Variants in C1QTNF8 observed in about 807,000 individuals in gnomAD.
C1QTNF8 encodes C1q and TNF related 8, also known as complement C1q tumor necrosis factor-related protein 8.
Under a neutral mutation model 19.2 loss-of-function variants are expected in C1QTNF8, and 27 were observed. The observed-to-expected ratio is 1.41, with a 90% CI of 1.04 to 1.94. The LOEUF is 1.94. Among genes scored for constraint, C1QTNF8 ranks in the 30% most tolerant of loss-of-function variants. C1QTNF8 has a pLI of 0.00. For missense variants in C1QTNF8, 484 were observed against 374.4 expected (o/e 1.29, Z -2.42); for synonymous variants, 208 against 172.8 (o/e 1.20, Z -1.60).
At chr16:1,094,556 G>C (rs1847929720) in intron 3 of C1QTNF8, 159 bp downstream of exon 3, 2 of 518,092 alleles carry the variant, frequency 3.9e-6, no homozygotes, top group Non-Finnish European at 6.5e-6. Flanking sequence ...TGCTTGCGGG[G>C]GGAGCCCAGG....
chr16:1,093,921 T>TCGGCACG lies in C1QTNF8; in HGVS notation c.332_338dup (p.Arg114ValfsTer263). 2 of 1,521,500 alleles carry TCGGCACG rather than the reference T, an allele frequency of 1.3e-6. No homozygotes were observed. The highest frequency in any genetic ancestry group is 8.7e-7 in the Non-Finnish European group (1 of 1,146,154). 94.2% of individuals were successfully genotyped at this position (1,521,500 alleles called of 1,614,324 possible). ...CCACGGAGAAGGCGGCGTAGGCACGTCGGCACGCGGCGCCCGGCGGCCCCA... is the reference window on the plus strand; with the variant it reads ...CCACGGAGAAGGCGGCGTAGGCACGTCGGCACGCGGCACGCGGCGCCCGGCGGCCCCA... On this transcript the variant is annotated frameshift_variant, in exon 4 of 5. Coordinates refer to ENST00000328449, the MANE Select transcript of C1QTNF8 (RefSeq NM_207419.3). LOFTEE classifies it high-confidence loss of function.
chr16:1,088,635 C>T lies in C1QTNF8; in HGVS notation c.*1964G>A, dbSNP rs1427850789. On this transcript the variant is annotated 3_prime_UTR_variant, in exon 5 of 5. Coordinates refer to ENST00000328449, the MANE Select transcript of C1QTNF8 (RefSeq NM_207419.3). ...AGTCATTGTTTTTTAAACAAATAAA[C>T]CTGGAAGGTTGGCGGGATGCAGGTC... Among the ~76,000 whole-genome samples, 1 of 152,168 alleles carries T rather than the reference C, an allele frequency of 6.6e-6. No homozygotes were observed. Among genetic ancestry groups the T allele is most frequent in the African/African-American group, 2.4e-5 (1 of 41,432 alleles).
chr16:1,089,734 G>A lies in C1QTNF8; in HGVS notation c.*865C>T, dbSNP rs197058. On this transcript the variant is annotated 3_prime_UTR_variant, in exon 5 of 5. Transcript: ENST00000328449. ...GGCTTCTCTCCTGGCACCTCTTAGC[G>A]CCACCGGCCGTCAGCACACGGGGTA... is the stretch of plus-strand genomic sequence containing the variant. Among the ~76,000 whole-genome samples the A allele has an allele frequency of 0.097, 14,763 of 152,262 alleles. 994 individuals carry two copies. Among genetic ancestry groups the A allele is most frequent in the Non-Finnish European group, 0.13 (8,685 of 67,986 alleles).
rs200671491 is a variant in C1QTNF8 at position 1,093,784 on chromosome 16, G to A, written c.476C>T (p.Thr159Met). 1.9e-6 allele frequency: 3 copies of A among 1,612,026 alleles called. No individual in the cohort carries two copies. The highest frequency in any genetic ancestry group is 1.1e-5 in the South Asian group (1 of 91,088). ...GCTGAGGAAGTAGACGCCGGGCACCGTGCAGAGGAAGCGGCCCGCGGCCAG... is the reference window on the plus strand; with the variant it reads ...GCTGAGGAAGTAGACGCCGGGCACCATGCAGAGGAAGCGGCCCGCGGCCAG... ...FDLAAGRFLC[T>M]VPGVYFLSLN... is the part of the protein sequence containing the mutation. The change falls in exon 4 of 5, where the codon ACG becomes ATG. Residue 159 changes from threonine to methionine, a missense_variant. By Grantham distance (81) the Thr-to-Met change is moderately conservative. Transcript: ENST00000328449.
rs1047914652 is a variant in C1QTNF8, at chr16:1,089,506, G to A, written c.*1093C>T. On this transcript the variant is annotated 3_prime_UTR_variant, in exon 5 of 5. Transcript: ENST00000328449. ...TGGGGTCCCCGACAGAGGCCTTTGC[G>A]CACCCCCTGCTGCACGGGAAGCTGA... Among the ~76,000 whole-genome samples, 2 of 152,276 alleles carry A rather than the reference G, an allele frequency of 1.3e-5. No homozygotes were observed. Among genetic ancestry groups the A allele is most frequent in the South Asian group, 2.1e-4 (1 of 4,818 alleles).
rs1395626303 is a variant in C1QTNF8 at position 1,089,508 on chromosome 16, A to AC, written c.*1090dup. The stretch of plus-strand genomic sequence containing the variant: ...GGGTCCCCGACAGAGGCCTTTGCGC[A>AC]CCCCCTGCTGCACGGGAAGCTGAGG... On this transcript the variant is annotated 3_prime_UTR_variant, in exon 5 of 5. Transcript: ENST00000328449. Among the ~76,000 whole-genome samples the AC allele has an allele frequency of 6.6e-6, 1 of 151,798 alleles. No individual in the cohort carries two copies. The highest frequency in any genetic ancestry group is 2.4e-5 in the African/African-American group (1 of 41,330).
Position 1,093,964 on chromosome 16 carries a change from C to A in C1QTNF8, c.296G>T (p.Arg99Ile). The change falls in exon 4 of 5, where the codon AGA becomes ATA. Residue 99 changes from arginine (R) to isoleucine (I), a missense_variant. By Grantham distance (97) the Arg-to-Ile change is moderately conservative. Coordinates refer to ENST00000328449, the MANE Select transcript of C1QTNF8 (RefSeq NM_207419.3). ...PPGARGLQGR[R>I]GQKGQVGPPG... is the part of the protein sequence containing the mutation. Reference sequence around the variant, plus strand: ...CGGCCCCACCTGCCCCTTCTGGCCTCTGCGGCCCTGCAGGCCCCGGGCGCC... The same window carrying A: ...CGGCCCCACCTGCCCCTTCTGGCCTATGCGGCCCTGCAGGCCCCGGGCGCC... 1 of 1,482,440 alleles carries A rather than the reference C, an allele frequency of 6.7e-7. No individual in the cohort carries two copies. Among genetic ancestry groups the A allele is most frequent in the Non-Finnish European group, 8.8e-7 (1 of 1,130,912 alleles). 91.8% of individuals were successfully genotyped at this position (1,482,440 alleles called of 1,614,324 possible).
rs375547605 is a variant in C1QTNF8, at chr16:1,093,664, C to T, written c.596G>A (p.Arg199His). ...AAVLYAQPSERSVMQAQSLML... is the reference protein window; with the variant it reads ...AAVLYAQPSEHSVMQAQSLML... Reference sequence around the variant, plus strand: ...CAGGCTCTGGGCCTGCATGACGCTGCGCTCGCTGGGCTGCGCGTAGAGCAC... The same window carrying T: ...CAGGCTCTGGGCCTGCATGACGCTGTGCTCGCTGGGCTGCGCGTAGAGCAC... The change falls in exon 4 of 5, where the codon CGC becomes CAC. Residue 199 changes from arginine to histidine, a missense_variant. Arg to His is a conservative substitution (Grantham distance 29, BLOSUM62 0). Coordinates refer to ENST00000328449, the MANE Select transcript of C1QTNF8 (RefSeq NM_207419.3). 21 of 1,609,590 alleles carry T rather than the reference C, an allele frequency of 1.3e-5. No homozygotes were observed. The South Asian group carries it at 1.8e-4, about 13-fold the overall frequency.
intron 4 of C1QTNF8, among the ~76,000 whole-genome samples, chr16:1,092,607 A>AATCCCTGCACACAGTCGGCGCTCAACC (rs1960574037): frequency 1.6e-4 from 3 of 18,918 alleles, no homozygotes; most frequent in Admixed American, 4.9e-4. Context: ...GGCGCTCAAC[A>AATCCCTGCACACAGTCGGCGCTCAACC]AATCACTGCA....
In C1QTNF8 at chr16:1,088,288, T is replaced by G. The variant is rs1216243454; in HGVS notation, c.*2311A>C. ...ACGGATAAAGTTACATGGGATAAGC[T>G]GCCTCCCCAGCCCGATGCTTGCCTG... On this transcript the variant is annotated 3_prime_UTR_variant, in exon 5 of 5. Transcript: ENST00000328449. 6.6e-6 allele frequency among the ~76,000 whole-genome samples: 1 copy of G among 152,278 alleles called. No homozygotes were observed. Among genetic ancestry groups the G allele is most frequent in the Non-Finnish European group, 1.5e-5 (1 of 68,048 alleles).
intron 2 of C1QTNF8, among the ~76,000 whole-genome samples, chr16:1,095,211 C>T (rs1169860893): frequency 1.3e-5 from 2 of 152,230 alleles, no homozygotes; most frequent in African/African-American, 4.8e-5. Flanking sequence ...GTGGGGAAGC[C>T]GTTGTGGGAC....
intron 4 of C1QTNF8, among the ~76,000 whole-genome samples, chr16:1,091,230 G>C (rs1960537335): frequency 6.6e-6 from 1 of 152,228 alleles, no homozygotes; most frequent in Non-Finnish European, 1.5e-5. Flanking sequence ...CCCACGCTGG[G>C]TGCACCTGTG....
chr16:1,093,454 A>ACGCGCGCGCGCG (rs768236099), intron 4 of C1QTNF8, 43 bp downstream of exon 4: 1 of 1,207,208 alleles, frequency 8.3e-7, no homozygotes, highest in African/African-American at 2.5e-5. Flanking sequence ...ACACACACAC[A>ACGCGCGCGCGCG]CACGCGCGCG....
At position 1,094,856 on chromosome 16, in the gene C1QTNF8, T is replaced by TGGGCAGCCCGGGCC; in HGVS notation, c.53_66dup (p.Arg23GlyfsTer25). ...CGGCAGCAGTGCACACAGGGCCTCC[T>TGGGCAGCCCGGGCC]GGGCAGCCCGGGCCAGGCCCCCACG... On this transcript the variant is annotated frameshift_variant, in exon 3 of 5. Transcript: ENST00000328449. LOFTEE classifies it high-confidence loss of function. The TGGGCAGCCCGGGCC allele has an allele frequency of 7.0e-7, 1 of 1,422,186 alleles. No individual in the cohort carries two copies. The allele number at this position is 1,422,186 out of a possible 1,614,324, so 88.1% of individuals were successfully genotyped here. A position where few individuals can be genotyped will look rare whatever the true frequency, so the allele number is the denominator to read the frequency against.
Position 1,095,701 on chromosome 16 carries a change from C to T in C1QTNF8, c.-98G>A, listed in dbSNP as rs1381412462. 1 of 152,266 alleles carries T rather than the reference C, an allele frequency of 6.6e-6. No individual in the cohort carries two copies. The highest frequency in any genetic ancestry group is 1.5e-5 in the Non-Finnish European group (1 of 68,090). 9.4% of individuals were successfully genotyped at this position (152,266 alleles called of 1,614,324 possible). On this transcript the variant is annotated 5_prime_UTR_variant, in exon 2 of 5. Coordinates refer to ENST00000328449, the MANE Select transcript of C1QTNF8 (RefSeq NM_207419.3). ...GCACGGGTCGGGATCCTCAATATTCCCTGAAGATGGGCTCTGCTGGACAAA... is the reference window on the plus strand; with the variant it reads ...GCACGGGTCGGGATCCTCAATATTCTCTGAAGATGGGCTCTGCTGGACAAA...
intron 3 of C1QTNF8, 32 bp downstream of exon 3, chr16:1,094,683 G>C: frequency 3.2e-6 from 5 of 1,575,694 alleles, no homozygotes; most frequent in Non-Finnish European, 4.3e-6. Flanking sequence ...GTCCTGGTGG[G>C]GGAGCATGCA....
rs746374183 is a variant in C1QTNF8, at chr16:1,093,990, T to A, written c.270A>T (p.Pro90=). The A allele has an allele frequency of 4.8e-6, 7 of 1,473,422 alleles. No homozygotes were observed. In the South Asian group the frequency reaches 9.6e-5, roughly 20 times the overall value. The allele number at this position is 1,473,422 out of a possible 1,614,324, so 91.3% of individuals were successfully genotyped here. A position where few individuals can be genotyped will look rare whatever the true frequency, so the allele number is the denominator to read the frequency against. ...RAGRSGKEGP[P]GARGLQGRRG... is the part of the protein sequence containing the mutation. ...TGCGGCCCTGCAGGCCCCGGGCGCC[T>A]GGCGGCCCCTCTTTCCCGCTCCTGC... The change falls in exon 4 of 5, where the codon CCA becomes CCT. Residue 90 remains proline (P), a synonymous_variant. Coordinates refer to ENST00000328449, the MANE Select transcript of C1QTNF8 (RefSeq NM_207419.3).
rs539032531 is a variant in C1QTNF8, at chr16:1,089,094, G to C, written c.*1505C>G. The stretch of plus-strand genomic sequence containing the variant: ...TGGAGACCCCAGGGCAGCCGGGCCA[G>C]GGCCAGGGCCAGGGAAAGGAACGGT... On this transcript the variant is annotated 3_prime_UTR_variant, in exon 5 of 5. Coordinates refer to ENST00000328449, the MANE Select transcript of C1QTNF8 (RefSeq NM_207419.3). Among the ~76,000 whole-genome samples the C allele has an allele frequency of 6.6e-6, 1 of 151,184 alleles. No individual in the cohort carries two copies. Among genetic ancestry groups the C allele is most frequent in the African/African-American group, 2.5e-5 (1 of 40,734 alleles).
chr16:1,091,105 G>C (rs950650678), intron 4 of C1QTNF8, among the ~76,000 whole-genome samples: 2 of 152,162 alleles, frequency 1.3e-5, no homozygotes, highest in Non-Finnish European at 2.9e-5. Flanking sequence ...GGGGATGGGC[G>C]AGCCGGGCAC....
Sources: allele counts gnomAD v4.1 joint callset (sites outside exome capture counted in the v4.1 genomes callset), GRCh38; gene constraint gnomAD v4.1.1; transcripts MANE v1.5; gene names NCBI Gene and HGNC (gene_info 2026-07-23, HGNC 2026-07-21).